Variants in CSMD1 observed in about 807,000 individuals in gnomAD.
CSMD1 encodes CUB and sushi domain-containing protein 1.
In CSMD1, 213 loss-of-function variants were observed where a neutral mutation model predicts 417.5. The observed-to-expected ratio is 0.51, with a 90% CI of 0.46 to 0.57. The LOEUF is 0.57. Among genes scored for constraint, CSMD1 ranks in the 20% least tolerant of loss-of-function variants. The pLI is 0.00. For missense variants in CSMD1, 6,923 were observed against 4,529.7 expected (o/e 1.53, Z -15.17); for synonymous variants, 2,862 against 1,736.8 (o/e 1.65, Z -16.11).
chr8:4,311,416 T>A (rs1352410818), intron 3 of CSMD1, among the ~76,000 whole-genome samples: 1 of 152,154 alleles, frequency 6.6e-6, no homozygotes, highest in Non-Finnish European at 1.5e-5. Flanking sequence ...ACCAAATACA[T>A]GTTTCACTTA....
chr8:4,434,756 C>A (rs76979002), intron 2 of CSMD1, among the ~76,000 whole-genome samples: 2 of 152,116 alleles, frequency 1.3e-5, no homozygotes, highest in Admixed American at 1.3e-4. Flanking sequence ...AGCTCTTAGA[C>A]TGTCAAATAC....
chr8:4,569,778 A>G (rs1798794711), intron 2 of CSMD1, among the ~76,000 whole-genome samples: 1 of 152,100 alleles, frequency 6.6e-6, no homozygotes, highest in African/African-American at 2.4e-5. Flanking sequence ...ATGAGCATGG[A>G]ATTTTTCTTT....
chr8:4,429,660 G>A (rs757402551), intron 2 of CSMD1, among the ~76,000 whole-genome samples: 1 of 152,084 alleles, frequency 6.6e-6, no homozygotes, highest in Non-Finnish European at 1.5e-5. Context: ...CCTTCATGCT[G>A]GGTACCCCAA....
At chr8:3,232,410 A>C (rs950789989) in intron 26 of CSMD1, among the ~76,000 whole-genome samples, 5 of 152,196 alleles carry the variant, frequency 3.3e-5, no homozygotes, top group African/African-American at 1.2e-4. Flanking sequence ...ACATTTAGGC[A>C]TGATGCTCTG....
rs76026654 is a variant in CSMD1 at position 4,051,065 on chromosome 8, T to G, written c.416-18966A>C. ...GCCTGAAATCCTCTCTGGCTTTGTT[T>G]TGAAGCGCACTGCCCTGAGTTACAG... On this transcript the variant is annotated intron_variant, in intron 3 of 69. Transcript: ENST00000635120. 5.9e-5 allele frequency among the ~76,000 whole-genome samples: 9 copies of G among 152,150 alleles called. No homozygotes were observed. In the East Asian group the frequency reaches 1.7e-3, roughly 29 times the overall value.
At chr8:4,285,880 T>G (rs1797031717) in intron 3 of CSMD1, among the ~76,000 whole-genome samples, 1 of 152,208 alleles carries the variant, frequency 6.6e-6, no homozygotes, top group African/African-American at 2.4e-5. Context: ...TCTTCCAGCC[T>G]GGAAAGTAAT....
chr8:3,815,900 G>A (rs949728773), intron 5 of CSMD1, among the ~76,000 whole-genome samples: 1 of 152,136 alleles, frequency 6.6e-6, no homozygotes, highest in Non-Finnish European at 1.5e-5. Context: ...TTATCATCAA[G>A]AGTAAATAGA....
chr8:3,396,806 G>T (rs979700611), intron 16 of CSMD1, among the ~76,000 whole-genome samples: 1 of 151,670 alleles, frequency 6.6e-6, no homozygotes, highest in African/African-American at 2.4e-5. Flanking sequence ...TCTTAAAATG[G>T]GTGCACTAGA....
At chr8:3,055,626 G>A (rs369001164) in intron 49 of CSMD1, among the ~76,000 whole-genome samples, 1 of 152,206 alleles carries the variant, frequency 6.6e-6, no homozygotes, top group Non-Finnish European at 1.5e-5. Context: ...CATTGGCAAT[G>A]TAAGAAACTT....
intron 1 of CSMD1, among the ~76,000 whole-genome samples, chr8:4,832,217 G>T (rs1409072696): frequency 6.6e-6 from 1 of 152,194 alleles, no homozygotes. Flanking sequence ...TTTGGGAGGT[G>T]AGAGGCTGGG....
intron 7 of CSMD1, among the ~76,000 whole-genome samples, chr8:3,625,357 T>G (rs760641955): frequency 6.6e-6 from 1 of 152,184 alleles, no homozygotes; most frequent in South Asian, 2.1e-4. Context: ...CTTCCAACCC[T>G]GAGTGAGAGA....
At chr8:4,218,651 T>C (rs1246769244) in intron 3 of CSMD1, among the ~76,000 whole-genome samples, 1 of 152,202 alleles carries the variant, frequency 6.6e-6, no homozygotes, top group Non-Finnish European at 1.5e-5. Context: ...ATTTCAGTAT[T>C]AGTGGGACAG....
intron 3 of CSMD1, among the ~76,000 whole-genome samples, chr8:4,402,826 T>TC (rs1804739725): frequency 9.7e-6 from 1 of 103,186 alleles, no homozygotes; most frequent in African/African-American, 3.4e-5. Context: ...TTTTTCTTTT[T>TC]TTTTTTTTTT....
chr8:4,718,436 A>G (rs147169250), intron 1 of CSMD1, among the ~76,000 whole-genome samples: 344 of 152,334 alleles, frequency 2.3e-3, no homozygotes, highest in Non-Finnish European at 3.9e-3. Context: ...CTGATTCTTA[A>G]GCAGGAATGA....
intron 1 of CSMD1, among the ~76,000 whole-genome samples, chr8:4,815,587 T>C (rs1193507472): frequency 6.6e-6 from 1 of 150,808 alleles, no homozygotes; most frequent in African/African-American, 2.4e-5. Context: ...TCCCAGCTAT[T>C]TGGGAGGCTG....
At chr8:3,538,424 T>C (rs1182361102) in intron 10 of CSMD1, among the ~76,000 whole-genome samples, 1 of 149,996 alleles carries the variant, frequency 6.7e-6, no homozygotes, top group African/African-American at 2.5e-5. Flanking sequence ...AATGGTGCAC[T>C]TGAGATGCCT....
intron 55 of CSMD1, among the ~76,000 whole-genome samples, chr8:2,975,066 C>A (rs982788941): frequency 1.4e-4 from 21 of 152,174 alleles, no homozygotes; most frequent in Non-Finnish European, 2.9e-4. Flanking sequence ...TCTGTCAAAT[C>A]TGCTTAATCT....
At chr8:3,979,816 C>T (rs550184209) in intron 5 of CSMD1, among the ~76,000 whole-genome samples, 16 of 152,228 alleles carry the variant, frequency 1.1e-4, no homozygotes, top group Middle Eastern at 6.8e-3. Flanking sequence ...ACAATACAAA[C>T]CCATGAAGAA....
intron 4 of CSMD1, among the ~76,000 whole-genome samples, chr8:4,026,857 G>A (rs537612558): frequency 6.6e-6 from 1 of 152,186 alleles, no homozygotes. Flanking sequence ...GTAAAAACCT[G>A]AGCAAAAGTT....
Sources: gnomAD v4.1 joint callset for allele counts (sites outside exome capture counted in the v4.1 genomes callset) on GRCh38, gnomAD v4.1.1 for gene constraint, MANE v1.5 for transcripts, NCBI Gene and HGNC (gene_info 2026-07-23, HGNC 2026-07-21) for gene names.